Variants in TMEM117 observed in about 807,000 individuals in gnomAD.
TMEM117 encodes the protein transmembrane protein 117.
TMEM117 carries 27 observed loss-of-function variants against 52.4 expected under a neutral mutation model. That is an observed-to-expected ratio of 0.51 (90% CI 0.38 to 0.71). The LOEUF is 0.71. Among genes scored for constraint, TMEM117 ranks in the 30% least tolerant of loss-of-function variants. The probability of loss-of-function intolerance (pLI) is 0.00; values close to 1 mark genes in which losing one functional copy is unlikely to be tolerated. For missense variants in TMEM117, 556 were observed against 630.5 expected, an observed-to-expected ratio of 0.88 and a Z score of 1.26; for synonymous variants, 215 against 206.3, an observed-to-expected ratio of 1.04 and a Z score of -0.36.
At chr12:44,339,757 G>A (rs1951391986) in intron 6 of TMEM117, among the ~76,000 whole-genome samples, 1 of 151,776 alleles carries the variant, frequency 6.6e-6, no homozygotes, top group African/African-American at 2.4e-5. Context: ...AAGAAAAAAT[G>A]TATAAAAAGT....
chr12:43,875,371 A>G (rs1943778215), intron 2 of TMEM117, among the ~76,000 whole-genome samples: 1 of 152,184 alleles, frequency 6.6e-6, no homozygotes. Context: ...TATCAACAGT[A>G]GTGAGGGCTC....
chr12:43,841,848 T>C (rs2137348605), intron 1 of TMEM117, among the ~76,000 whole-genome samples: 1 of 152,214 alleles, frequency 6.6e-6, no homozygotes, highest in Middle Eastern at 3.4e-3. Context: ...ATGATAATAA[T>C]GGTATTTCAG....
In TMEM117 at chr12:44,194,744, T is replaced by A. The variant is rs975156838; in HGVS notation, c.511-16546T>A. Among the ~76,000 whole-genome samples the A allele has an allele frequency of 2.8e-4, 43 of 152,096 alleles. 1 individual carries two copies. The highest frequency in any genetic ancestry group is 3.4e-3 in the Middle Eastern group (1 of 294). On this transcript the variant is annotated intron_variant, in intron 4 of 7. Coordinates refer to ENST00000266534, the MANE Select transcript of TMEM117 (RefSeq NM_032256.3). ...TACTTGGGAGGCTGAGGCAGGAGGG[T>A]CACTTGAGCCCAGGAGGCCGAGGTT...
At chr12:44,208,099 G>C (rs979654478) in intron 4 of TMEM117, among the ~76,000 whole-genome samples, 1 of 151,102 alleles carries the variant, frequency 6.6e-6, no homozygotes, top group Non-Finnish European at 1.5e-5. Context: ...CATCATATAG[G>C]CTCACCTCAA....
intron 3 of TMEM117, among the ~76,000 whole-genome samples, chr12:44,060,534 G>A (rs1947123516): frequency 6.6e-6 from 1 of 152,180 alleles, no homozygotes; most frequent in Non-Finnish European, 1.5e-5. Context: ...TTCAACATGA[G>A]AGCTCAGGAG....
rs1482337846 is a variant in TMEM117 at position 44,143,593 on chromosome 12, C to A, written c.479C>A (p.Thr160Asn). 3.7e-6 allele frequency: 6 copies of A among 1,613,726 alleles called. No homozygotes were observed. Among genetic ancestry groups the A allele is most frequent in the African/African-American group, 1.3e-5 (1 of 74,892 alleles). ...ESFMKLAAVGTWMGDFVTAWM... is the reference protein window; with the variant it reads ...ESFMKLAAVGNWMGDFVTAWM... Reference sequence around the variant, plus strand: ...TTCATGAAATTAGCTGCAGTAGGGACCTGGATGGGGGACTTTGTCACAGCT... The same window carrying A: ...TTCATGAAATTAGCTGCAGTAGGGAACTGGATGGGGGACTTTGTCACAGCT... The change falls in exon 4 of 8, where the codon ACC (threonine) becomes AAC (asparagine). Residue 160 changes from threonine to asparagine, a missense_variant. Transcript: ENST00000266534.
intron 6 of TMEM117, among the ~76,000 whole-genome samples, chr12:44,346,179 A>C (rs920641568): frequency 6.6e-6 from 1 of 152,260 alleles, no homozygotes; most frequent in Non-Finnish European, 1.5e-5. Flanking sequence ...CTATTATTGT[A>C]TCCACTGCTT....
chr12:44,011,533 C>T (rs543256098), intron 3 of TMEM117, among the ~76,000 whole-genome samples: 34 of 152,182 alleles, frequency 2.2e-4, no homozygotes, highest in East Asian at 1.4e-3. Context: ...CCTTGCCTTC[C>T]GTCATGATTG....
intron 4 of TMEM117, among the ~76,000 whole-genome samples, chr12:44,188,470 G>A (rs1949306938): frequency 1.3e-5 from 2 of 152,078 alleles, no homozygotes; most frequent in Admixed American, 1.3e-4. Context: ...TGCCATTCCT[G>A]GGGGCCAGAG....
intron 5 of TMEM117, among the ~76,000 whole-genome samples, chr12:44,261,690 A>G (rs1049268713): frequency 2.0e-5 from 3 of 152,226 alleles, no homozygotes; most frequent in East Asian, 3.8e-4. Flanking sequence ...TGCTATTATG[A>G]CATTTCGCTT....
rs114050833 is a variant in TMEM117, at chr12:43,892,254, G to A, written c.277+47326G>A. On this transcript the variant is annotated intron_variant, in intron 2 of 7. Coordinates refer to ENST00000266534, the MANE Select transcript of TMEM117 (RefSeq NM_032256.3). The stretch of plus-strand genomic sequence containing the variant: ...CTTCCAGAATTGTTTCCCAGTGAAG[G>A]CACACAAGACACACTTAATTCCCTC... Among the ~76,000 whole-genome samples the A allele has an allele frequency of 7.6e-3, 1,164 of 152,276 alleles. 12 individuals are homozygous for A. The highest frequency in any genetic ancestry group is 0.025 in the African/African-American group (1,058 of 41,540).
chr12:43,979,514 A>G (rs537925037), intron 3 of TMEM117, among the ~76,000 whole-genome samples: 6 of 152,250 alleles, frequency 3.9e-5, no homozygotes, highest in Admixed American at 1.3e-4. Context: ...GATAGTTGGT[A>G]TTGTAAATGC....
intron 4 of TMEM117, among the ~76,000 whole-genome samples, chr12:44,163,086 A>C (rs973487594): frequency 1.3e-5 from 2 of 152,248 alleles, no homozygotes; most frequent in Non-Finnish European, 2.9e-5. Context: ...AAATTGAGCT[A>C]GAAAACTTTA....
At chr12:44,047,805 A>G (rs1224350699) in intron 3 of TMEM117, among the ~76,000 whole-genome samples, 1 of 152,130 alleles carries the variant, frequency 6.6e-6, no homozygotes, top group Non-Finnish European at 1.5e-5. Context: ...GGATTTTTGC[A>G]TTTATGTTCA....
At chr12:43,832,008 G>T (rs1395370520), upstream of TMEM117, among the ~76,000 whole-genome samples, 1 of 152,174 alleles carries the variant, frequency 6.6e-6, no homozygotes, top group Non-Finnish European at 1.5e-5. Context: ...TATTTCTATT[G>T]TTACCCTGAC....
chr12:44,225,103 G>A (rs1332871289), intron 5 of TMEM117, among the ~76,000 whole-genome samples: 1 of 152,146 alleles, frequency 6.6e-6, no homozygotes, highest in Non-Finnish European at 1.5e-5. Flanking sequence ...GTGTCTTCAT[G>A]TTAGAGTGGC....
chr12:44,048,035 A>G (rs1254281730), intron 3 of TMEM117, among the ~76,000 whole-genome samples: 1 of 152,162 alleles, frequency 6.6e-6, no homozygotes, highest in Non-Finnish European at 1.5e-5. Flanking sequence ...TTTAAATCAC[A>G]GATTTACTTT....
At chr12:44,294,622 A>T (rs573643532) in intron 5 of TMEM117, among the ~76,000 whole-genome samples, 4 of 152,260 alleles carry the variant, frequency 2.6e-5, no homozygotes, top group Non-Finnish European at 4.4e-5. Flanking sequence ...TCTCTTTGGC[A>T]TATCCAAATT....
chr12:44,104,265 G>T (rs1565829131), intron 3 of TMEM117, among the ~76,000 whole-genome samples: 1 of 151,762 alleles, frequency 6.6e-6, no homozygotes, highest in South Asian at 2.1e-4. Flanking sequence ...ATAGCTTTGG[G>T]TTTCCTCCCT....
Sources: gnomAD v4.1 joint callset for allele counts (sites outside exome capture counted in the v4.1 genomes callset) on GRCh38, gnomAD v4.1.1 for gene constraint, MANE v1.5 for transcripts, NCBI Gene and HGNC (gene_info 2026-07-23, HGNC 2026-07-21) for gene names.